The following IL31RA variants were observed in gnomAD, a reference collection of about 807,000 sequenced individuals.
IL31RA encodes interleukin-31 receptor subunit alpha.
Under a neutral mutation model 83.7 loss-of-function variants are expected in IL31RA, and 66 were observed. That is an observed-to-expected ratio of 0.79 (90% CI 0.65 to 0.97). The LOEUF (loss-of-function observed/expected upper bound fraction) is 0.97, where lower values mean the gene tolerates loss of function less well. IL31RA is among the 50% of genes least tolerant of loss of function. The probability of loss-of-function intolerance (pLI) is 0.00; values close to 1 mark genes in which losing one functional copy is unlikely to be tolerated. For missense variants in IL31RA, 798 were observed against 919.4 expected (o/e 0.87, Z 1.71); for synonymous variants, 325 against 329.0 (o/e 0.99, Z 0.13).
intron 1 of IL31RA, 44 bp from the exon 2 acceptor site, chr5:55,859,465 A>G (rs1295171396): frequency 2.9e-6 from 4 of 1,363,514 alleles, no homozygotes; most frequent in Non-Finnish European, 3.2e-6. Context: ...AGCTTTTGAA[A>G]AGAGATATGA....
Position 55,883,277 on chromosome 5 carries a change from A to G in IL31RA, c.606+82A>G. ...TGACAACTATTGTTGACCTGGAATC[A>G]TTATTTCACTTTTTACATTAAAAAT... On this transcript the variant is annotated intron_variant, in intron 5 of 14. Coordinates refer to ENST00000652347, the MANE Select transcript of IL31RA (RefSeq NM_139017.7). 2 of 1,210,106 alleles carry G rather than the reference A, an allele frequency of 1.7e-6. 1 individual carries two copies. Among genetic ancestry groups the G allele is most frequent in the Middle Eastern group, 3.8e-4 (2 of 5,200 alleles). 75.0% of individuals were successfully genotyped at this position (1,210,106 alleles called of 1,614,324 possible).
chr5:55,868,945 T>TG lies in IL31RA; in HGVS notation c.272+42dup, dbSNP rs765686071. 26 of 1,111,432 alleles carry TG rather than the reference T, an allele frequency of 2.3e-5. No individual in the cohort carries two copies. In the South Asian group the frequency reaches 2.6e-4, roughly 11 times the overall value. The allele number at this position is 1,111,432 out of a possible 1,614,324, so 68.8% of individuals were successfully genotyped here. On this transcript the variant is annotated intron_variant, in intron 3 of 14. Coordinates refer to ENST00000652347, the MANE Select transcript of IL31RA (RefSeq NM_139017.7). ...AGCTTGTGTTTTATCAGTCAGGGCA[T>TG]GGGGGAGGCAGAGGCTTCTGATTCA...
rs1750086497 is a variant in IL31RA at position 55,921,452 on chromosome 5, G to A, written c.*4332G>A. 6.6e-6 allele frequency among the ~76,000 whole-genome samples: 1 copy of A among 152,208 alleles called. No homozygotes were observed. Among genetic ancestry groups the A allele is most frequent in the Non-Finnish European group, 1.5e-5 (1 of 68,050 alleles). On this transcript the variant is annotated 3_prime_UTR_variant, in exon 15 of 15. Coordinates refer to ENST00000652347, the MANE Select transcript of IL31RA (RefSeq NM_139017.7). ...CGTTTAAAGGTCCTCCTAGTATAGA[G>A]TGCAATGCGATAAACATTTATCTTT...
intron 11 of IL31RA, 42 bp from the exon 12 acceptor site, chr5:55,910,490 C>T: frequency 1.9e-6 from 3 of 1,613,078 alleles, no homozygotes; most frequent in Non-Finnish European, 2.5e-6. Flanking sequence ...AATTTTCAGT[C>T]TGGTTTGGCT....
rs2112618035 is a variant in IL31RA at position 55,922,666 on chromosome 5, C to CT, written c.*5550dup. ...AACATGGTTATGGTAATAGGAACAGCTTTTAAAATGCTTTTGTATTTGGGC... is the reference window on the plus strand; with the variant it reads ...AACATGGTTATGGTAATAGGAACAGCTTTTTAAAATGCTTTTGTATTTGGGC... On this transcript the variant is annotated 3_prime_UTR_variant, in exon 15 of 15. Coordinates refer to ENST00000652347, the MANE Select transcript of IL31RA (RefSeq NM_139017.7). 2.0e-6 allele frequency: 1 copy of CT among 499,602 alleles called. No individual in the cohort carries two copies. The allele number at this position is 499,602 out of a possible 1,614,324, so 30.9% of individuals were successfully genotyped here. A position where few individuals can be genotyped will look rare whatever the true frequency, so the allele number is the denominator to read the frequency against.
chr5:55,904,698 C>A (rs1332568643), intron 8 of IL31RA, among the ~76,000 whole-genome samples: 1 of 152,188 alleles, frequency 6.6e-6, no homozygotes, highest in Non-Finnish European at 1.5e-5. Flanking sequence ...CTGTGGCTTA[C>A]AAGAACAAGA....
intron 9 of IL31RA, 152 bp downstream of exon 9, chr5:55,906,440 G>A: frequency 1.3e-6 from 1 of 795,516 alleles, no homozygotes; most frequent in African/African-American, 1.7e-5. Flanking sequence ...CACGCTTCTT[G>A]GTATTTCCAA....
At chr5:55,856,300 T>C (rs1423607290) in intron 1 of IL31RA, among the ~76,000 whole-genome samples, 1 of 152,222 alleles carries the variant, frequency 6.6e-6, no homozygotes, top group Non-Finnish European at 1.5e-5. Flanking sequence ...TGTTGGAAGA[T>C]TTTATAGAGC....
chr5:55,907,333 C>CA (rs1298246987), intron 9 of IL31RA, 26 bp from the exon 10 acceptor site: 1 of 1,473,748 alleles, frequency 6.8e-7, no homozygotes, highest in Admixed American at 1.7e-5. Flanking sequence ...TCTGCACTTA[C>CA]ACTTTTTTTT....
At chr5:55,859,659 AGTT>A (rs1411342167) in intron 2 of IL31RA, 60 bp downstream of exon 2, 2 of 1,199,272 alleles carry the variant, frequency 1.7e-6, no homozygotes, top group African/African-American at 1.5e-5. Flanking sequence ...TTTGGACAAG[AGTT>A]GTTAACTTTA....
chr5:55,840,212 A>G, the IL31RA span, among the ~76,000 whole-genome samples: 212 of 152,314 alleles, frequency 1.4e-3, 1 homozygote, highest in Middle Eastern at 0.017. Flanking sequence ...ATCTCTTTCT[A>G]ACTCAGCAGT....
chr5:55,846,884 A>T (rs1744939822), upstream of IL31RA, among the ~76,000 whole-genome samples: 1 of 152,226 alleles, frequency 6.6e-6, no homozygotes, highest in Admixed American at 6.5e-5. Context: ...GTGCTCAAGC[A>T]GGTGCCCTAT....
chr5:55,885,354 A>G (rs575111187), intron 5 of IL31RA, among the ~76,000 whole-genome samples: 2 of 152,304 alleles, frequency 1.3e-5, no homozygotes, highest in East Asian at 3.9e-4. Context: ...ACGTGGACAC[A>G]TTGAAGGGTG....
At chr5:55,864,839 C>T (rs916054079) in intron 2 of IL31RA, among the ~76,000 whole-genome samples, 38 of 151,264 alleles carry the variant, frequency 2.5e-4, no homozygotes, top group Non-Finnish European at 4.4e-5. Flanking sequence ...ACTACACATA[C>T]CACACACATC....
At position 55,916,644 on chromosome 5, in the gene IL31RA, G is replaced by T. The variant is rs150364353; in HGVS notation, c.1819G>T (p.Asp607Tyr). The T allele has an allele frequency of 1.9e-6, 3 of 1,613,528 alleles. No individual in the cohort carries two copies. In the African/African-American group the frequency reaches 4.0e-5, roughly 22 times the overall value. Residue 607 changes from aspartate to tyrosine, a missense_variant and splice_region_variant, in exon 15 of 15, where the codon GAT (aspartate) becomes TAT (tyrosine). Asp to Tyr is a radical substitution (Grantham distance 160). Transcript: ENST00000652347. Reference sequence around the variant, plus strand: ...TGGGATGTCCCTTTTTCTTTTCCAGGATAAGCTAAACCTGAAGGAGTCTGA... The same window carrying T: ...TGGGATGTCCCTTTTTCTTTTCCAGTATAAGCTAAACCTGAAGGAGTCTGA... ...IATWHGDDFK[D>Y]KLNLKESDDS...
chr5:55,875,812 A>G (rs73116486), intron 4 of IL31RA, among the ~76,000 whole-genome samples: 6 of 152,176 alleles, frequency 3.9e-5, no homozygotes, highest in African/African-American at 1.4e-4. Flanking sequence ...TGTAATTGCC[A>G]CTGCTTAAAA....
upstream of IL31RA, among the ~76,000 whole-genome samples, chr5:55,850,533 T>G (rs1745027197): frequency 6.6e-6 from 1 of 151,722 alleles, no homozygotes; most frequent in South Asian, 2.1e-4. Flanking sequence ...TTTTTTCTTA[T>G]TTTCTATGAA....
intron 6 of IL31RA, among the ~76,000 whole-genome samples, chr5:55,893,750 T>G (rs1580711976): frequency 6.6e-6 from 1 of 151,980 alleles, no homozygotes; most frequent in Non-Finnish European, 1.5e-5. Context: ...GAAGAAAATA[T>G]CAATTTAAAC....
In IL31RA at chr5:55,919,026, T is replaced by TCTCCCTGC. The variant is rs1561131105; in HGVS notation, c.*1906_*1907insCTCCCTGC. ...ATGTCTGCTCTCCCTGCTCTCCCTG[T>TCTCCCTGC]TCTCCACCCCTTCTATGGTGTGGGC... On this transcript the variant is annotated 3_prime_UTR_variant, in exon 15 of 15. Transcript: ENST00000652347. Among the ~76,000 whole-genome samples the TCTCCCTGC allele has an allele frequency of 6.6e-6, 1 of 151,632 alleles. No homozygotes were observed. The highest frequency in any genetic ancestry group is 2.4e-5 in the African/African-American group (1 of 41,372).
Sources: gnomAD v4.1 joint callset for allele counts (sites outside exome capture counted in the v4.1 genomes callset) on GRCh38, gnomAD v4.1.1 for gene constraint, MANE v1.5 for transcripts, NCBI Gene and HGNC (gene_info 2026-07-23, HGNC 2026-07-21) for gene names.